The following SPMIP4 variants were observed in gnomAD, a reference collection of about 807,000 sequenced individuals.
SPMIP4 encodes the protein sperm-associated microtubule inner protein 4.
At chr7:25,127,358 G>A in the SPMIP4 span, among the ~76,000 whole-genome samples, 1 of 152,030 alleles carries the variant, frequency 6.6e-6, no homozygotes, top group Non-Finnish European at 1.5e-5. Context: ...GATCTTATAG[G>A]TGTACCTCAT....
the SPMIP4 span, chr7:25,179,426 C>T: frequency 9.5e-7 from 1 of 1,048,902 alleles, no homozygotes; most frequent in Middle Eastern, 2.9e-4. Context: ...TGACGCTGCA[C>T]AGACGTCACA....
the SPMIP4 span, among the ~76,000 whole-genome samples, chr7:25,130,533 T>G: frequency 6.6e-6 from 1 of 152,080 alleles, no homozygotes; most frequent in African/African-American, 2.4e-5. Flanking sequence ...AGACTGGTCT[T>G]GAACTCCTGA....
At chr7:25,129,438 T>C in the SPMIP4 span, among the ~76,000 whole-genome samples, 1 of 152,186 alleles carries the variant, frequency 6.6e-6, no homozygotes, top group Admixed American at 6.5e-5. Context: ...TGCAAGGCCC[T>C]GCAATCACTG....
the SPMIP4 span, among the ~76,000 whole-genome samples, chr7:25,153,970 T>C: frequency 3.9e-5 from 6 of 152,356 alleles, no homozygotes; most frequent in African/African-American, 1.4e-4. Context: ...CTAACATTTA[T>C]CTCTGTTATT....
At chr7:25,139,462 A>G in the SPMIP4 span, among the ~76,000 whole-genome samples, 1 of 152,176 alleles carries the variant, frequency 6.6e-6, no homozygotes, top group Non-Finnish European at 1.5e-5. Flanking sequence ...GTTAAAGTAA[A>G]AAAACTACCA....
chr7:25,146,688 A>T, the SPMIP4 span, among the ~76,000 whole-genome samples: 1 of 152,244 alleles, frequency 6.6e-6, no homozygotes, highest in Non-Finnish European at 1.5e-5. Flanking sequence ...TTCAAAGGGA[A>T]GCCAAGGGTC....
the SPMIP4 span, among the ~76,000 whole-genome samples, chr7:25,152,417 A>G: frequency 3.9e-5 from 6 of 152,292 alleles, no homozygotes; most frequent in African/African-American, 1.2e-4. Context: ...CTTCATATGT[A>G]ATAAGAACAA....
chr7:25,147,516 C>T, the SPMIP4 span, among the ~76,000 whole-genome samples: 2 of 152,032 alleles, frequency 1.3e-5, no homozygotes, highest in East Asian at 1.9e-4. Flanking sequence ...GCTCTGGGGT[C>T]TGGGTGGGAA....
the SPMIP4 span, among the ~76,000 whole-genome samples, chr7:25,146,809 G>A: frequency 6.6e-6 from 1 of 150,952 alleles, no homozygotes; most frequent in African/African-American, 2.4e-5. Flanking sequence ...TCCAAAGTAA[G>A]GAGGTTTATG....
chr7:25,179,681 C>T, the SPMIP4 span: 1 of 164,794 alleles, frequency 6.1e-6, no homozygotes, highest in African/African-American at 2.4e-5. Flanking sequence ...AGCCTGTGGT[C>T]TTTCCGAAAA....
At chr7:25,126,011 C>T in the SPMIP4 span, 1 of 932,568 alleles carries the variant, frequency 1.1e-6, no homozygotes, top group Non-Finnish European at 1.3e-6. Context: ...GCAATGATAA[C>T]ATTTATGTAC....
chr7:25,132,471 A>G, the SPMIP4 span, among the ~76,000 whole-genome samples: 1 of 152,200 alleles, frequency 6.6e-6, no homozygotes. This position sits in a 1 kb window ranked among gnomAD's most constrained non-coding sequence, Gnocchi z 5.0. Flanking sequence ...TGCCTGATAC[A>G]TTTGTTAAAA....
chr7:25,130,729 G>T, the SPMIP4 span, among the ~76,000 whole-genome samples: 2 of 152,154 alleles, frequency 1.3e-5, no homozygotes, highest in African/African-American at 4.8e-5. Context: ...CAAGTAGGGG[G>T]TTAGTTTTGG....
At chr7:25,171,273 G>A in the SPMIP4 span, among the ~76,000 whole-genome samples, 94 of 152,256 alleles carry the variant, frequency 6.2e-4, no homozygotes, top group Middle Eastern at 3.4e-3. Flanking sequence ...AGGAGTGAAG[G>A]GCAGGGATTC....
chr7:25,135,163 C>G, the SPMIP4 span: 1 of 395,362 alleles, frequency 2.5e-6, no homozygotes, highest in Non-Finnish European at 3.4e-6. Flanking sequence ...AGAACACACT[C>G]CAGAAATGAA....
At chr7:25,161,165 A>G in the SPMIP4 span, 2 of 1,399,788 alleles carry the variant, frequency 1.4e-6, no homozygotes, top group African/African-American at 1.5e-5. Flanking sequence ...TTGATTTTAT[A>G]TAAGGAAAAA....
the SPMIP4 span, among the ~76,000 whole-genome samples, chr7:25,158,249 T>C: frequency 6.6e-6 from 1 of 150,640 alleles, no homozygotes; most frequent in Non-Finnish European, 1.5e-5. Context: ...ACACCTGTAG[T>C]CCCAGCTACT....
the SPMIP4 span, among the ~76,000 whole-genome samples, chr7:25,130,980 T>C: frequency 1.3e-5 from 2 of 152,232 alleles, no homozygotes; most frequent in African/African-American, 4.8e-5. Flanking sequence ...CCCTGCTCTG[T>C]GGCCTGTTAG....
chr7:25,142,165 A>G, the SPMIP4 span: 75 of 1,040,466 alleles, frequency 7.2e-5, no homozygotes, highest in African/African-American at 8.0e-4. Flanking sequence ...AAAACCCAGG[A>G]CACAAAAAGT....
Sources: gnomAD v4.1 joint callset for allele counts (sites outside exome capture counted in the v4.1 genomes callset) on GRCh38, gnomAD v4.1.1 for gene constraint, Gnocchi (gnomAD v3.1) non-coding constraint, MANE v1.5 for transcripts, NCBI Gene and HGNC (gene_info 2026-07-23, HGNC 2026-07-21) for gene names.